The following SOS2 variants were observed in gnomAD, a reference collection of about 807,000 sequenced individuals.
SOS2 encodes son of sevenless homolog 2.
In SOS2, 65 loss-of-function variants were observed where a neutral mutation model predicts 148.2. That is an observed-to-expected ratio of 0.44 (90% CI 0.36 to 0.54). The LOEUF (loss-of-function observed/expected upper bound fraction) is 0.54, where lower values mean the gene tolerates loss of function less well. SOS2 is among the 20% of genes least tolerant of loss of function. The probability of loss-of-function intolerance (pLI) is 0.00; values close to 1 mark genes in which losing one functional copy is unlikely to be tolerated. For synonymous variants in SOS2, 539 were observed against 537.1 expected (o/e 1.00, Z -0.05); for missense variants, 1,341 against 1,590.2 (o/e 0.84, Z 2.67).
At chr14:50,130,989 G>A (rs1883848154) in intron 19 of SOS2, among the ~76,000 whole-genome samples, 1 of 152,038 alleles carries the variant, frequency 6.6e-6, no homozygotes, top group Admixed American at 6.6e-5. Flanking sequence ...TTTCAGCACT[G>A]CAGAAATAAA....
rs1207099054 is a variant in SOS2, at chr14:50,231,327, C to T, written c.-44G>A. On this transcript the variant is annotated 5_prime_UTR_variant, in exon 1 of 23. Transcript: ENST00000216373. ...TCCGCATCGGGGGCAGCCCGCGGGC[C>T]GGGCCGGTGGCCTGACAGGCAGGGC... 2 of 1,149,288 alleles carry T rather than the reference C, an allele frequency of 1.7e-6. No individual in the cohort carries two copies. The highest frequency in any genetic ancestry group is 2.3e-6 in the Non-Finnish European group (2 of 881,126). The allele number at this position is 1,149,288 out of a possible 1,614,324, so 71.2% of individuals were successfully genotyped here.
At chr14:50,157,888 C>A (rs1884869688) in intron 11 of SOS2, among the ~76,000 whole-genome samples, 1 of 152,034 alleles carries the variant, frequency 6.6e-6, no homozygotes, top group Admixed American at 6.5e-5. Flanking sequence ...ACAAATTCAA[C>A]CCAACACTAA....
At chr14:50,192,885 A>G (rs1364492937) in intron 4 of SOS2, among the ~76,000 whole-genome samples, 1 of 152,154 alleles carries the variant, frequency 6.6e-6, no homozygotes, top group African/African-American at 2.4e-5. Context: ...AAAAAGTATA[A>G]TTCAATAGGT....
intron 2 of SOS2, among the ~76,000 whole-genome samples, chr14:50,203,396 T>A (rs1367829599): frequency 6.6e-6 from 1 of 152,016 alleles, no homozygotes; most frequent in African/African-American, 2.4e-5. Context: ...TAATTTTTGA[T>A]AGCTGTACTA....
At chr14:50,118,899 A>T (rs540899780) in intron 22 of SOS2, 46 bp from the exon 23 acceptor site, 75 of 850,256 alleles carry the variant, frequency 8.8e-5, no homozygotes, top group South Asian at 4.4e-4. Flanking sequence ...CTGAAAAATT[A>T]AAAAAAAAAA....
In SOS2 at chr14:50,204,360, TAGAG is replaced by T. The variant is rs764257310; in HGVS notation, c.133_136del (p.Leu45IlefsTer6). ...CTGAAAAATCAGCTCTTCAATATAA[TAGAG>T]AGACTCTTCATTAGCTGAGAGAGTG... On this transcript the variant is annotated frameshift_variant, in exon 2 of 23. Transcript: ENST00000216373. LOFTEE classifies it high-confidence loss of function. The T allele has an allele frequency of 6.3e-6, 10 of 1,589,688 alleles. No individual in the cohort carries two copies. Among genetic ancestry groups the T allele is most frequent in the South Asian group, 1.1e-5 (1 of 89,864 alleles).
intron 6 of SOS2, 32 bp from the exon 7 acceptor site, chr14:50,180,714 T>C: frequency 8.3e-7 from 1 of 1,210,896 alleles, no homozygotes. Context: ...AAGCATTAGG[T>C]TTAAAAGAAT....
intron 4 of SOS2, among the ~76,000 whole-genome samples, chr14:50,194,067 G>A (rs971937012): frequency 1.3e-5 from 2 of 152,122 alleles, no homozygotes; most frequent in African/African-American, 4.8e-5. Flanking sequence ...TTTTAGCTAA[G>A]CATATGACAG....
chr14:50,155,256 TA>T (rs35543053), intron 12 of SOS2, among the ~76,000 whole-genome samples: 132,120 of 152,078 alleles, frequency 0.87, 57,485 homozygotes, highest in East Asian at 0.92. Flanking sequence ...AATATTTATA[TA>T]AACAGGTTTA....
At chr14:50,178,677 T>C (rs1451685600) in intron 7 of SOS2, among the ~76,000 whole-genome samples, 60 of 2,934 alleles carry the variant, frequency 0.02, 1 homozygote, top group Admixed American at 0.075. Context: ...TGTGCATATA[T>C]ATATATATAT....
Position 50,180,443 on chromosome 14 carries a change from G to T in SOS2, c.969+129C>A, listed in dbSNP as rs1885694645. ...GAAAACAGAAGATAATCCAAAACAG[G>T]TTTAGAATGAACAAGATTTGAAGGA... On this transcript the variant is annotated intron_variant, in intron 7 of 22. Transcript: ENST00000216373. 2.4e-5 allele frequency: 14 copies of T among 578,392 alleles called. No homozygotes were observed. In the East Asian group the frequency reaches 4.1e-4, roughly 17 times the overall value. The allele number at this position is 578,392 out of a possible 1,614,324, so 35.8% of individuals were successfully genotyped here. A position where few individuals can be genotyped will look rare whatever the true frequency, so the allele number is the denominator to read the frequency against.
intron 21 of SOS2, 111 bp downstream of exon 21, chr14:50,129,850 A>T: frequency 1.6e-6 from 1 of 637,778 alleles, no homozygotes; most frequent in Non-Finnish European, 2.7e-6. Context: ...AAATTTATTT[A>T]TAACTTTTCT....
chr14:50,182,330 A>G (rs1249820987), intron 6 of SOS2, 133 bp downstream of exon 6: 1 of 756,060 alleles, frequency 1.3e-6, no homozygotes, highest in Non-Finnish European at 2.1e-6. Flanking sequence ...ACAGATGGGC[A>G]CTACCATGCC....
rs1020691127 is a variant in SOS2 at position 50,158,659 on chromosome 14, A to G, written c.1853-13T>C. 3.3e-6 allele frequency: 5 copies of G among 1,537,564 alleles called. No individual in the cohort carries two copies. Among genetic ancestry groups the G allele is most frequent in the Non-Finnish European group, 4.5e-6 (5 of 1,118,620 alleles). ...ACAAAATTGGGATCTGAAAAGGCAG[A>G]GCATAAAATAGGTTTCATGTTTAAT... is the stretch of plus-strand genomic sequence containing the variant. On this transcript the variant is annotated splice_polypyrimidine_tract_variant and intron_variant, in intron 10 of 22. Coordinates refer to ENST00000216373, the MANE Select transcript of SOS2 (RefSeq NM_006939.4).
intron 2 of SOS2, among the ~76,000 whole-genome samples, chr14:50,203,576 T>G (rs1595020639): frequency 7.3e-6 from 1 of 137,458 alleles, no homozygotes; most frequent in Admixed American, 8.1e-5. Context: ...TAGTACTAAT[T>G]TAAACAGTTT....
Position 50,133,252 on chromosome 14 carries a change from T to TTTTTC in SOS2, c.3075+870_3075+871insGAAAA, listed in dbSNP as rs1240636333. Among the ~76,000 whole-genome samples the TTTTTC allele has an allele frequency of 2.5e-3, 348 of 137,356 alleles. 31 individuals are homozygous for TTTTTC. Among genetic ancestry groups the TTTTTC allele is most frequent in the African/African-American group, 8.7e-3 (326 of 37,470 alleles). The allele number at this position is 137,356 out of a possible 152,430, so 90.1% of individuals were successfully genotyped here. ...CTTTTTTTCTTTTTTCTTTTTTCTTTTTTTTTTTTTTTGAGACGGGGTCTT... is the reference window on the plus strand; with the variant it reads ...CTTTTTTTCTTTTTTCTTTTTTCTTTTTTTCTTTTTTTTTTTTGAGACGGGGTCTT... On this transcript the variant is annotated intron_variant, in intron 19 of 22. Transcript: ENST00000216373.
In SOS2 at chr14:50,163,003, G is replaced by C. The variant is rs1437771368; in HGVS notation, c.1069-1394C>G. ...CCTTGCCTCAACCTCCTGGACTCAA[G>C]TGATCCTTCCATCTCAGCCTCCCAA... is the stretch of plus-strand genomic sequence containing the variant. On this transcript the variant is annotated intron_variant, in intron 8 of 22. Coordinates refer to ENST00000216373, the MANE Select transcript of SOS2 (RefSeq NM_006939.4). Among the ~76,000 whole-genome samples the C allele has an allele frequency of 2.0e-5, 3 of 150,180 alleles. No individual in the cohort carries two copies. In the East Asian group the frequency reaches 5.8e-4, roughly 29 times the overall value.
chr14:50,218,438 G>C (rs142567880), intron 1 of SOS2, among the ~76,000 whole-genome samples: 1 of 151,762 alleles, frequency 6.6e-6, no homozygotes, highest in East Asian at 1.9e-4. Context: ...TGAAAGAATC[G>C]CTCGAACCCG....
chr14:50,217,616 G>A (rs1308592593), intron 1 of SOS2, among the ~76,000 whole-genome samples: 1 of 152,052 alleles, frequency 6.6e-6, no homozygotes, highest in Non-Finnish European at 1.5e-5. Context: ...AGATTTCCTT[G>A]ATATGACACT....
Sources: allele counts gnomAD v4.1 joint callset (sites outside exome capture counted in the v4.1 genomes callset), GRCh38; gene constraint gnomAD v4.1.1; transcripts MANE v1.5; gene names NCBI Gene and HGNC (gene_info 2026-07-23, HGNC 2026-07-21).